The following RGS12 variants were observed in gnomAD, a reference collection of about 807,000 sequenced individuals.
RGS12 encodes the protein regulator of G protein signaling 12.
A neutral mutation model predicts 120.1 loss-of-function variants in RGS12; 66 were observed. The ratio of observed to expected loss-of-function variants is 0.55; its 90% CI spans 0.45 to 0.67. RGS12 has a LOEUF of 0.67. Among genes scored for constraint, RGS12 ranks in the 30% least tolerant of loss-of-function variants. The pLI is 0.00. For missense variants in RGS12, 1,859 were observed against 1,957.7 expected, an observed-to-expected ratio of 0.95 and a Z score of 0.95; for synonymous variants, 827 against 804.7, an observed-to-expected ratio of 1.03 and a Z score of -0.47.
chr4:3,375,237 C>T (rs1278872979), intron 3 of RGS12, among the ~76,000 whole-genome samples: 1 of 148,418 alleles, frequency 6.7e-6, no homozygotes, highest in Non-Finnish European at 1.5e-5. Context: ...TGAACTCCAG[C>T]CTCATCTCCA....
intron 4 of RGS12, 77 bp downstream of exon 4, chr4:3,386,514 G>C (rs1480491150): frequency 5.5e-6 from 7 of 1,283,480 alleles, no homozygotes; most frequent in Non-Finnish European, 6.7e-6. Context: ...TTTGCCATTT[G>C]ATGCCCTCAG....
intron 3 of RGS12, among the ~76,000 whole-genome samples, chr4:3,348,984 A>G (rs1216362029): frequency 6.6e-6 from 1 of 152,252 alleles, no homozygotes; most frequent in African/African-American, 2.4e-5. Context: ...GATGGAGACT[A>G]AAATAGAAAA....
intron 1 of RGS12, among the ~76,000 whole-genome samples, chr4:3,299,449 C>T (rs977010195): frequency 1.3e-5 from 2 of 152,196 alleles, no homozygotes; most frequent in Non-Finnish European, 2.9e-5. Flanking sequence ...GACAACTCCC[C>T]TCCACTTTCT....
At chr4:3,438,079 G>A (rs956498903) in intron 17 of RGS12, among the ~76,000 whole-genome samples, 3 of 152,210 alleles carry the variant, frequency 2.0e-5, no homozygotes, top group South Asian at 2.1e-4. Context: ...CGATTCACCT[G>A]TGGAGGGCAG....
At chr4:3,343,540 C>T (rs956908922) in intron 3 of RGS12, among the ~76,000 whole-genome samples, 5 of 152,080 alleles carry the variant, frequency 3.3e-5, no homozygotes, top group East Asian at 1.9e-4. Flanking sequence ...AATGCGCCGT[C>T]GGGATCATTA....
At chr4:3,357,918 A>G (rs559368665) in intron 3 of RGS12, among the ~76,000 whole-genome samples, 3 of 152,164 alleles carry the variant, frequency 2.0e-5, no homozygotes, top group Non-Finnish European at 4.4e-5. Flanking sequence ...TAGGGATTAC[A>G]CTGAATCTGC....
At chr4:3,350,570 T>C (rs963960615) in intron 3 of RGS12, among the ~76,000 whole-genome samples, 50 of 152,132 alleles carry the variant, frequency 3.3e-4, no homozygotes, top group African/African-American at 1.2e-3. Context: ...TAGTCCCAGC[T>C]ACTCAAGAGG....
At chr4:3,345,613 C>T (rs1471421215) in intron 3 of RGS12, among the ~76,000 whole-genome samples, 1 of 152,168 alleles carries the variant, frequency 6.6e-6, no homozygotes, top group Non-Finnish European at 1.5e-5. Context: ...GGCCCTCAGG[C>T]GCAGTCTACC....
At chr4:3,415,091 GGCGTGTGAGAGGTC>G (rs1176870940) in intron 6 of RGS12, among the ~76,000 whole-genome samples, 28 of 146,264 alleles carry the variant, frequency 1.9e-4, no homozygotes, top group African/African-American at 6.6e-4. Context: ...GTGTGTGAGG[GGCGTGTGAGAGGTC>G]GCGTGTGAGA....
intron 3 of RGS12, among the ~76,000 whole-genome samples, chr4:3,373,605 G>A (rs1717294019): frequency 1.3e-5 from 2 of 152,226 alleles, no homozygotes; most frequent in Admixed American, 1.3e-4. Context: ...TTGGGACCCC[G>A]AAGTGCAGTG....
intron 4 of RGS12, among the ~76,000 whole-genome samples, chr4:3,392,273 T>A (rs1295541326): frequency 6.6e-6 from 1 of 152,230 alleles, no homozygotes; most frequent in Admixed American, 6.5e-5. Context: ...AGAAAGCTTT[T>A]AAGACTTTCT....
At chr4:3,431,079 C>T in intron 17 of RGS12, 124 bp downstream of exon 17, 4 of 1,460,134 alleles carry the variant, frequency 2.7e-6, no homozygotes, top group Non-Finnish European at 3.6e-6. Flanking sequence ...ACCCCCTCCT[C>T]ACCTGCTGGT....
intron 4 of RGS12, among the ~76,000 whole-genome samples, chr4:3,398,063 G>A (rs1452150105): frequency 6.6e-6 from 1 of 152,192 alleles, no homozygotes; most frequent in Non-Finnish European, 1.5e-5. Context: ...GGAAGTAAAT[G>A]ATTTAATATA....
Position 3,307,814 on chromosome 4 carries a change from G to A in RGS12, c.-101-8256G>A, listed in dbSNP as rs143728648. Reference sequence around the variant, plus strand: ...GTGCCCTGGTGTTTGGGCGGGAGACGCGAAATTCTACACTCAGAAGGTCCT... The same window carrying A: ...GTGCCCTGGTGTTTGGGCGGGAGACACGAAATTCTACACTCAGAAGGTCCT... On this transcript the variant is annotated intron_variant, in intron 1 of 17. Coordinates refer to ENST00000336727, the MANE Select transcript of RGS12 (RefSeq NM_001394154.1). Among the ~76,000 whole-genome samples the A allele has an allele frequency of 2.8e-3, 428 of 152,322 alleles. 2 individuals carry two copies. Among genetic ancestry groups the A allele is most frequent in the Middle Eastern group, 6.8e-3 (2 of 294 alleles).
intron 2 of RGS12, among the ~76,000 whole-genome samples, chr4:3,326,384 C>T (rs1186186182): frequency 6.6e-6 from 1 of 152,184 alleles, no homozygotes; most frequent in Non-Finnish European, 1.5e-5. Flanking sequence ...GTAGCTAGAA[C>T]TACAGGTGCA....
chr4:3,405,844 C>G (rs1030842689), intron 4 of RGS12, among the ~76,000 whole-genome samples: 1 of 152,130 alleles, frequency 6.6e-6, no homozygotes, highest in Non-Finnish European at 1.5e-5. Flanking sequence ...TCTGGGCAAA[C>G]GGATATGGGA....
intron 8 of RGS12, 140 bp downstream of exon 8, chr4:3,417,232 C>A: frequency 7.7e-7 from 1 of 1,296,716 alleles, no homozygotes; most frequent in South Asian, 1.6e-5. Flanking sequence ...GTTCCAGCTG[C>A]TGTCTGGAGT....
chr4:3,333,712 T>TA (rs1337926456), intron 2 of RGS12, among the ~76,000 whole-genome samples: 5 of 152,210 alleles, frequency 3.3e-5, no homozygotes, highest in African/African-American at 1.2e-4. Context: ...ACCTATACTT[T>TA]AAAAAATTAC....
rs1716355315 is a variant in RGS12 at position 3,366,783 on chromosome 4, C to T, written c.1999-19633C>T. On this transcript the variant is annotated intron_variant, in intron 3 of 17. Transcript: ENST00000336727. The surrounding 1 kb of genome is among the most constrained non-coding windows in gnomAD (Gnocchi z 4.0). ...GGGCGCAGGAACTGGTGAGAGAGGC[C>T]TGGGAGACAGGTGAGTCTGTAAGGA... is the stretch of plus-strand genomic sequence containing the variant. Among the ~76,000 whole-genome samples, 3 of 152,286 alleles carry T rather than the reference C, an allele frequency of 2.0e-5. No homozygotes were observed. The highest frequency in any genetic ancestry group is 2.0e-4 in the Admixed American group (3 of 15,300).
Sources: allele counts gnomAD v4.1 joint callset (sites outside exome capture counted in the v4.1 genomes callset), GRCh38; gene constraint gnomAD v4.1.1; non-coding constraint Gnocchi (gnomAD v3.1); transcripts MANE v1.5; gene names NCBI Gene and HGNC (gene_info 2026-07-23, HGNC 2026-07-21).